The following PDE1C variants were observed in gnomAD, a reference collection of about 807,000 sequenced individuals.
PDE1C encodes dual specificity calcium/calmodulin-dependent 3',5'-cyclic nucleotide phosphodiesterase 1C.
In PDE1C, 62 loss-of-function variants were observed where a neutral mutation model predicts 93.1. That is an observed-to-expected ratio of 0.67 (90% CI 0.54 to 0.82). The LOEUF (loss-of-function observed/expected upper bound fraction) is 0.82, where lower values mean the gene tolerates loss of function less well. Ranked by LOEUF, PDE1C falls within the 40% of genes least tolerant of loss-of-function variation. The pLI, the probability that PDE1C is intolerant of heterozygous loss-of-function variation, is 0.00. For synonymous variants in PDE1C, 325 were observed against 310.1 expected (o/e 1.05, Z -0.50); for missense variants, 742 against 884.6 (o/e 0.84, Z 2.04).
At chr7:32,198,597 G>A (rs1804780457) in intron 2 of PDE1C, among the ~76,000 whole-genome samples, 1 of 152,186 alleles carries the variant, frequency 6.6e-6, no homozygotes, top group Non-Finnish European at 1.5e-5. Flanking sequence ...CAGCTAGAGT[G>A]CTAAGCATTA....
chr7:31,761,281 G>C (rs1018428098), intron 17 of PDE1C, among the ~76,000 whole-genome samples: 5 of 152,072 alleles, frequency 3.3e-5, no homozygotes, highest in Non-Finnish European at 1.5e-5. Context: ...AGTCAAAATT[G>C]TATCTCATTT....
chr7:31,660,827 C>A, the PDE1C span, among the ~76,000 whole-genome samples: 532 of 151,660 alleles, frequency 3.5e-3, 2 homozygotes, highest in African/African-American at 0.013. Context: ...AGAAAACTAA[C>A]CAGCAGTATT....
intron 1 of PDE1C, among the ~76,000 whole-genome samples, chr7:32,394,439 C>T (rs544186710): frequency 1.4e-4 from 21 of 152,134 alleles, no homozygotes; most frequent in Non-Finnish European, 2.8e-4. Context: ...GGGAGGATCC[C>T]TCATTAATGG....
At chr7:31,883,680 G>T (rs1370600122) in intron 2 of PDE1C, among the ~76,000 whole-genome samples, 35 of 152,206 alleles carry the variant, frequency 2.3e-4, no homozygotes, top group Non-Finnish European at 2.9e-5. Context: ...TCATGAAGGG[G>T]CCTCATATCA....
intron 2 of PDE1C, among the ~76,000 whole-genome samples, chr7:31,896,621 G>A (rs1337413616): frequency 9.9e-5 from 15 of 152,192 alleles, no homozygotes; most frequent in Non-Finnish European, 1.0e-4. Context: ...TAAGATATTG[G>A]TGATACTATT....
intron 11 of PDE1C, among the ~76,000 whole-genome samples, chr7:31,834,271 G>C (rs1790781220): frequency 6.6e-6 from 1 of 152,186 alleles, no homozygotes; most frequent in South Asian, 2.1e-4. Flanking sequence ...AAAATGTGGA[G>C]TTGAAACCCC....
the PDE1C span, among the ~76,000 whole-genome samples, chr7:31,700,903 CA>C: frequency 3.3e-5 from 5 of 151,852 alleles, no homozygotes; most frequent in Non-Finnish European, 5.9e-5. Context: ...CCTACTGCTC[CA>C]AAAAAAGACC....
chr7:31,820,107 T>A (rs915424933), intron 14 of PDE1C, among the ~76,000 whole-genome samples: 1 of 152,022 alleles, frequency 6.6e-6, no homozygotes, highest in Admixed American at 6.6e-5. Flanking sequence ...ATACTGTAAA[T>A]CTAAATATTC....
chr7:32,342,604 T>C (rs1293697612), intron 1 of PDE1C, among the ~76,000 whole-genome samples: 1 of 152,342 alleles, frequency 6.6e-6, no homozygotes, highest in East Asian at 1.9e-4. Flanking sequence ...GCATTATATA[T>C]CTGGCTACAT....
chr7:32,026,796 G>C (rs937474471), intron 2 of PDE1C, among the ~76,000 whole-genome samples: 1 of 151,960 alleles, frequency 6.6e-6, no homozygotes, highest in Non-Finnish European at 1.5e-5. Flanking sequence ...ACAAACTGTG[G>C]TACATCTAGA....
chr7:31,965,856 C>G (rs4492274), intron 2 of PDE1C, among the ~76,000 whole-genome samples: 16,494 of 152,140 alleles, frequency 0.11, 956 homozygotes, highest in Middle Eastern at 0.19. Context: ...TCCAGCCAAA[C>G]TAAGCTTCAT....
At chr7:31,734,954 C>A in the PDE1C span, among the ~76,000 whole-genome samples, 1 of 152,146 alleles carries the variant, frequency 6.6e-6, no homozygotes, top group African/African-American at 2.4e-5. Context: ...CAAATTGAAG[C>A]CTTGCTACTC....
chr7:32,114,752 T>C (rs1447891507), intron 3 of PDE1C, among the ~76,000 whole-genome samples: 1 of 152,024 alleles, frequency 6.6e-6, no homozygotes, highest in African/African-American at 2.4e-5. Flanking sequence ...TACAAGGAAG[T>C]TAAACAAATT....
At chr7:32,316,648 A>G (rs918775672) in intron 1 of PDE1C, among the ~76,000 whole-genome samples, 7 of 152,190 alleles carry the variant, frequency 4.6e-5, no homozygotes, top group African/African-American at 1.7e-4. Flanking sequence ...CTGAAATCTC[A>G]GAATTACAAG....
At position 32,306,676 on chromosome 7, in the gene PDE1C, A is replaced by G. The variant is rs910143467; in HGVS notation, c.311-97137T>C. Among the ~76,000 whole-genome samples, 9 of 152,234 alleles carry G rather than the reference A, an allele frequency of 5.9e-5. No individual in the cohort carries two copies. In the South Asian group the frequency reaches 6.2e-4, roughly 11 times the overall value. On this transcript the variant is annotated intron_variant, in intron 1 of 1. Coordinates refer to the PDE1C transcript ENST00000672256. ...TACTTCAGTGACTCCCTGTCGCTGT[A>G]GAAAAATTGATACTTAGAATAAAGT...
At chr7:32,415,272 G>A (rs567469652) in intron 1 of PDE1C, among the ~76,000 whole-genome samples, 29 of 152,206 alleles carry the variant, frequency 1.9e-4, no homozygotes, top group African/African-American at 6.3e-4. Context: ...ACAACGTAGC[G>A]AAACCCAGTA....
At position 31,816,463 on chromosome 7, in the gene PDE1C, G is replaced by A. The variant is rs531041180; in HGVS notation, c.1583-309C>T. 1.2e-4 allele frequency among the ~76,000 whole-genome samples: 18 copies of A among 152,048 alleles called. No homozygotes were observed. In the South Asian group the frequency reaches 2.5e-3, roughly 21 times the overall value. ...TTAATAGCTTCTATTGAACGTGTTC[G>A]CTCTGCCAAGTATTATGCTGAGTGT... On this transcript the variant is annotated intron_variant, in intron 14 of 17. Coordinates refer to ENST00000396191, the MANE Select transcript of PDE1C (RefSeq NM_001191057.4).
At chr7:32,302,419 G>A (rs1464952438), upstream of PDE1C, among the ~76,000 whole-genome samples, 1 of 152,216 alleles carries the variant, frequency 6.6e-6, no homozygotes, top group Non-Finnish European at 1.5e-5. Context: ...GAAGTAATGT[G>A]TGATCCTGAC....
chr7:32,060,302 C>T (rs1454931117), intron 1 of PDE1C, among the ~76,000 whole-genome samples: 2 of 152,192 alleles, frequency 1.3e-5, no homozygotes, highest in Non-Finnish European at 2.9e-5. Flanking sequence ...CCTTCCCTCT[C>T]CCCACTCTGT....
Sources: allele counts gnomAD v4.1 joint callset (sites outside exome capture counted in the v4.1 genomes callset), GRCh38; gene constraint gnomAD v4.1.1; transcripts MANE v1.5; gene names NCBI Gene and HGNC (gene_info 2026-07-23, HGNC 2026-07-21).